The following TNIK variants were observed in gnomAD, a reference collection of about 807,000 sequenced individuals.
TNIK encodes the protein TRAF2 and NCK interacting kinase.
Under a neutral mutation model 191.3 loss-of-function variants are expected in TNIK, and 49 were observed. That is an observed-to-expected ratio of 0.26 (90% confidence interval 0.20 to 0.32). TNIK has a LOEUF of 0.32. Ranked by LOEUF, TNIK falls within the 10% of genes least tolerant of loss-of-function variation. The probability of loss-of-function intolerance (pLI) is 1.00; values close to 1 mark genes in which losing one functional copy is unlikely to be tolerated. For synonymous variants in TNIK, 594 were observed against 600.9 expected (o/e 0.99, Z 0.17); for missense variants, 1,155 against 1,702.3 (o/e 0.68, Z 5.66).
chr3:171,371,161 A>AT (rs1438625270), intron 1 of TNIK, among the ~76,000 whole-genome samples: 1 of 152,188 alleles, frequency 6.6e-6, no homozygotes, highest in Admixed American at 6.5e-5. Flanking sequence ...TCGGAAATCT[A>AT]TTAACACCTA....
intron 4 of TNIK, among the ~76,000 whole-genome samples, chr3:171,197,393 A>T (rs1738840917): frequency 6.6e-6 from 1 of 152,188 alleles, no homozygotes; most frequent in African/African-American, 2.4e-5. Flanking sequence ...AAATAAAAAA[A>T]AAAGAAAAAA....
intron 2 of TNIK, among the ~76,000 whole-genome samples, chr3:171,297,288 A>G (rs1752401418): frequency 6.6e-6 from 1 of 152,240 alleles, no homozygotes; most frequent in African/African-American, 2.4e-5. Context: ...TGCCATGCCC[A>G]TAGAGAGGGG....
chr3:171,222,338 A>C (rs1742455359), intron 3 of TNIK, among the ~76,000 whole-genome samples: 1 of 152,124 alleles, frequency 6.6e-6, no homozygotes, highest in Non-Finnish European at 1.5e-5. Context: ...TTCCTTTGTA[A>C]AATAGATATA....
At chr3:171,449,706 C>T (rs1727941548) in intron 1 of TNIK, among the ~76,000 whole-genome samples, 1 of 152,066 alleles carries the variant, frequency 6.6e-6, no homozygotes, top group South Asian at 2.1e-4. Context: ...TCCAAATTTT[C>T]TGCACTGACC....
intron 15 of TNIK, among the ~76,000 whole-genome samples, chr3:171,129,166 T>G (rs901923277): frequency 1.5e-4 from 23 of 152,132 alleles, no homozygotes; most frequent in African/African-American, 5.6e-4. Flanking sequence ...CTTGTATTGA[T>G]TGTGATATTA....
intron 1 of TNIK, among the ~76,000 whole-genome samples, chr3:171,437,075 G>C (rs1467059486): frequency 6.6e-6 from 1 of 152,148 alleles, no homozygotes; most frequent in Non-Finnish European, 1.5e-5. Context: ...TTTATAGCTG[G>C]AATGTCTACT....
At chr3:171,307,124 T>C (rs1014196878) in intron 2 of TNIK, among the ~76,000 whole-genome samples, 1 of 152,208 alleles carries the variant, frequency 6.6e-6, no homozygotes, top group African/African-American at 2.4e-5. Flanking sequence ...GTCCTTCACA[T>C]ACGTTTCCAA....
chr3:171,157,813 T>C, intron 11 of TNIK, 149 bp from the exon 12 acceptor site: 1 of 823,894 alleles, frequency 1.2e-6, no homozygotes, highest in Non-Finnish European at 1.9e-6. Flanking sequence ...AATTCAATCA[T>C]TCACCCCAAA....
At position 171,157,591 on chromosome 3, in the gene TNIK, G is replaced by A. The variant is rs759114839; in HGVS notation, c.1090C>T (p.Arg364Cys). The stretch of plus-strand genomic sequence containing the variant: ...TGCTGCCTCCGTAGGGCCTCAGAAC[G>A]CTCCTTGTTGGCCAGCTGCAGCCTC... ...FLRLQLANKE[R>C]SEALRRQQLE... Residue 364 changes from arginine (R) to cysteine (C), a missense_variant, in exon 12 of 33, where the codon CGT (arginine) becomes TGT (cysteine). Transcript: ENST00000436636. 5.8e-5 allele frequency: 91 copies of A among 1,556,862 alleles called. No homozygotes were observed. The highest frequency in any genetic ancestry group is 1.7e-4 in the Middle Eastern group (1 of 6,024).
chr3:171,213,252 C>T (rs770674952), intron 3 of TNIK, among the ~76,000 whole-genome samples: 6 of 151,752 alleles, frequency 4.0e-5, no homozygotes, highest in African/African-American at 4.8e-5. Flanking sequence ...TAATTGTGGA[C>T]GAATGTAGGA....
chr3:171,365,303 C>T (rs934626249), intron 2 of TNIK, among the ~76,000 whole-genome samples: 5 of 149,452 alleles, frequency 3.3e-5, no homozygotes, highest in African/African-American at 9.8e-5. Flanking sequence ...CTGCGTCAGC[C>T]TTCTGAGTAG....
chr3:171,176,425 C>T (rs1735963718), intron 8 of TNIK, among the ~76,000 whole-genome samples: 1 of 152,208 alleles, frequency 6.6e-6, no homozygotes, highest in Non-Finnish European at 1.5e-5. Context: ...ATGCAGACAC[C>T]AAGGATATTA....
intron 10 of TNIK, among the ~76,000 whole-genome samples, chr3:171,166,333 C>T (rs1427196963): frequency 6.6e-6 from 1 of 152,208 alleles, no homozygotes; most frequent in African/African-American, 2.4e-5. Flanking sequence ...CATTTTGTCT[C>T]ATTTGGCAGC....
intron 1 of TNIK, among the ~76,000 whole-genome samples, chr3:171,398,073 T>C (rs1169096458): frequency 6.6e-6 from 1 of 152,218 alleles, no homozygotes; most frequent in Admixed American, 6.5e-5. Flanking sequence ...ATGCATACTT[T>C]TAATTTATGT....
intron 2 of TNIK, among the ~76,000 whole-genome samples, chr3:171,279,989 C>G (rs1750238457): frequency 6.6e-6 from 1 of 152,184 alleles, no homozygotes. Context: ...CACTCCTGCC[C>G]TCAGGAAATG....
At chr3:171,103,482 A>G (rs931819436) in intron 21 of TNIK, among the ~76,000 whole-genome samples, 1 of 152,178 alleles carries the variant, frequency 6.6e-6, no homozygotes, top group African/African-American at 2.4e-5. Flanking sequence ...AGTGAAGGGT[A>G]TGCTATTCTT....
intron 2 of TNIK, among the ~76,000 whole-genome samples, chr3:171,264,210 T>C (rs1183948384): frequency 6.6e-6 from 1 of 151,396 alleles, no homozygotes; most frequent in Non-Finnish European, 1.5e-5. Flanking sequence ...TACTGTAATA[T>C]ATTTTCACTT....
intron 24 of TNIK, among the ~76,000 whole-genome samples, chr3:171,085,574 T>C (rs1416024716): frequency 6.6e-6 from 1 of 152,216 alleles, no homozygotes; most frequent in Non-Finnish European, 1.5e-5. Context: ...TATTGACTAC[T>C]TGATCAATAT....
chr3:171,280,129 T>A (rs2109247828), intron 2 of TNIK, among the ~76,000 whole-genome samples: 1 of 152,310 alleles, frequency 6.6e-6, no homozygotes, highest in East Asian at 1.9e-4. Context: ...TATGTGGCAC[T>A]CATGAATGGA....
Sources: gnomAD v4.1 joint callset for allele counts (sites outside exome capture counted in the v4.1 genomes callset) on GRCh38, gnomAD v4.1.1 for gene constraint, MANE v1.5 for transcripts, NCBI Gene and HGNC (gene_info 2026-07-23, HGNC 2026-07-21) for gene names.